Variants in MACROD1 observed in about 807,000 individuals in gnomAD.
MACROD1 encodes the protein ADP-ribose glycohydrolase MACROD1.
MACROD1 carries 31 observed loss-of-function variants against 41.4 expected under a neutral mutation model. The observed-to-expected ratio is 0.75, with a 90% CI of 0.56 to 1.01. The LOEUF (loss-of-function observed/expected upper bound fraction) is 1.01. MACROD1 is among the 50% of genes least tolerant of loss of function. The pLI is 0.00. For missense variants in MACROD1, 473 were observed against 460.0 expected (o/e 1.03, Z -0.26); for synonymous variants, 252 against 203.4 (o/e 1.24, Z -2.03).
At chr11:64,123,274 C>T (rs1415557840) in intron 3 of MACROD1, among the ~76,000 whole-genome samples, 2 of 152,104 alleles carry the variant, frequency 1.3e-5, no homozygotes, top group Non-Finnish European at 2.9e-5. Flanking sequence ...CCTGGATGGG[C>T]GCCAGGGCAA....
chr11:64,136,954 T>G (rs1358686350), intron 3 of MACROD1, among the ~76,000 whole-genome samples: 1 of 152,180 alleles, frequency 6.6e-6, no homozygotes, highest in Admixed American at 6.5e-5. Flanking sequence ...AGTGGGCATC[T>G]CAGCATTTGC....
intron 3 of MACROD1, among the ~76,000 whole-genome samples, chr11:64,143,753 TACACACACACACACACAC>T (rs55995667): frequency 9.8e-5 from 10 of 101,668 alleles, no homozygotes; most frequent in South Asian, 7.3e-4. Flanking sequence ...GACACACACA[TACACACACACACACACAC>T]ACACACACAC....
intron 3 of MACROD1, among the ~76,000 whole-genome samples, chr11:64,072,337 G>A (rs1284089278): frequency 6.6e-6 from 1 of 152,208 alleles, no homozygotes; most frequent in Non-Finnish European, 1.5e-5. Context: ...CGAGCCTTTG[G>A]GGGTTGCCTC....
intron 3 of MACROD1, chr11:64,118,601 T>C (rs1406439984): frequency 1.0e-5 from 3 of 298,954 alleles, no homozygotes; most frequent in African/African-American, 6.4e-5. Flanking sequence ...TGGGTTTTTT[T>C]TTTTTCCCCC....
At chr11:64,154,148 T>G (rs1945628962) in intron 1 of MACROD1, among the ~76,000 whole-genome samples, 1 of 152,168 alleles carries the variant, frequency 6.6e-6, no homozygotes, top group South Asian at 2.1e-4. Flanking sequence ...CAAAACGCTC[T>G]TTAAGCAAGC....
At chr11:64,030,687 A>G (rs932986501) in intron 3 of MACROD1, among the ~76,000 whole-genome samples, 1 of 152,170 alleles carries the variant, frequency 6.6e-6, no homozygotes, top group African/African-American at 2.4e-5. Flanking sequence ...ATCATAAGCA[A>G]TCACCAACGA....
chr11:64,068,514 G>A (rs539344287), intron 3 of MACROD1, among the ~76,000 whole-genome samples: 2 of 152,356 alleles, frequency 1.3e-5, no homozygotes, highest in Admixed American at 6.5e-5. Context: ...CTAGGATAAC[G>A]ATGGTTGTCT....
chr11:64,029,270 C>T (rs772805850), intron 3 of MACROD1, among the ~76,000 whole-genome samples: 9 of 152,132 alleles, frequency 5.9e-5, no homozygotes, highest in Non-Finnish European at 1.0e-4. Flanking sequence ...GCAGCTCACA[C>T]GGGCAGAGGA....
At chr11:64,074,845 T>G (rs1393165291) in intron 3 of MACROD1, among the ~76,000 whole-genome samples, 1 of 152,180 alleles carries the variant, frequency 6.6e-6, no homozygotes, top group African/African-American at 2.4e-5. Flanking sequence ...GCCTGCCTGG[T>G]GAGCTCTGAC....
chr11:64,156,444 C>T (rs1289919567), intron 1 of MACROD1, among the ~76,000 whole-genome samples: 2 of 152,152 alleles, frequency 1.3e-5, no homozygotes, highest in Admixed American at 6.5e-5. Context: ...GGCTGGGACC[C>T]GGACGGACCC....
chr11:64,115,575 ATGT>A (rs899432040), intron 3 of MACROD1, among the ~76,000 whole-genome samples: 18 of 152,320 alleles, frequency 1.2e-4, no homozygotes, highest in African/African-American at 3.6e-4. Context: ...ACAACAGGAC[ATGT>A]TGTTTTAACA....
intron 4 of MACROD1, among the ~76,000 whole-genome samples, chr11:64,009,882 C>G (rs1942973104): frequency 6.6e-6 from 1 of 152,274 alleles, no homozygotes; most frequent in South Asian, 2.1e-4. Flanking sequence ...CCAGTCCCAG[C>G]CCCATCTTCT....
chr11:64,138,614 GGCCT>G, intron 3 of MACROD1: 1 of 926,936 alleles, frequency 1.1e-6, no homozygotes, highest in Non-Finnish European at 1.3e-6. Flanking sequence ...CTGACAGCCG[GGCCT>G]CTCTCCCCAA....
At position 63,999,264 on chromosome 11, in the gene MACROD1, G is replaced by T. The variant is rs1942773173; in HGVS notation, c.891+67C>A. 2.0e-6 allele frequency: 3 copies of T among 1,517,494 alleles called. No individual in the cohort carries two copies. The East Asian group carries it at 7.3e-5, about 37-fold the overall frequency. 94.0% of individuals were successfully genotyped at this position (1,517,494 alleles called of 1,614,324 possible). On this transcript the variant is annotated intron_variant, in intron 8 of 10. Coordinates refer to ENST00000255681, the MANE Select transcript of MACROD1 (RefSeq NM_014067.4). ...TGCGCTCTGCACCCTGACTCCCTGG[G>T]CGATGATGGGGGCTGGTCACTCTGG...
intron 3 of MACROD1, among the ~76,000 whole-genome samples, chr11:64,141,145 T>C (rs1945407273): frequency 6.6e-6 from 1 of 152,044 alleles, no homozygotes. Context: ...TAAGAAAATG[T>C]CCACATGGAG....
chr11:64,144,976 G>A (rs1484314134), intron 3 of MACROD1, among the ~76,000 whole-genome samples: 2 of 152,226 alleles, frequency 1.3e-5, no homozygotes, highest in Non-Finnish European at 2.9e-5. Context: ...CGGACGCAGG[G>A]GCGGGTGGCC....
At chr11:64,037,934 G>A (rs760863884) in intron 3 of MACROD1, among the ~76,000 whole-genome samples, 15 of 152,214 alleles carry the variant, frequency 9.9e-5, no homozygotes, top group Non-Finnish European at 1.9e-4. Flanking sequence ...TGCATTTGAC[G>A]CATGTTGTTA....
chr11:64,127,784 G>C (rs932489680), intron 3 of MACROD1, among the ~76,000 whole-genome samples: 1 of 152,136 alleles, frequency 6.6e-6, no homozygotes, highest in African/African-American at 2.4e-5. Flanking sequence ...CTGTCCGGGT[G>C]TTTGGGGACA....
intron 3 of MACROD1, among the ~76,000 whole-genome samples, chr11:64,131,938 G>T (rs982145165): frequency 6.6e-6 from 1 of 152,198 alleles, no homozygotes; most frequent in Non-Finnish European, 1.5e-5. Context: ...AGTGGCGGGA[G>T]GGAGGGGCGC....
Sources: allele counts gnomAD v4.1 joint callset (sites outside exome capture counted in the v4.1 genomes callset), GRCh38; gene constraint gnomAD v4.1.1; transcripts MANE v1.5; gene names NCBI Gene and HGNC (gene_info 2026-07-23, HGNC 2026-07-21).